DLEC1: variants seen among roughly 807,000 people sequenced by gnomAD.
DLEC1 encodes DLEC1 cilia and flagella associated protein.
Under a neutral mutation model 198.1 loss-of-function variants are expected in DLEC1, and 146 were observed. That is an observed-to-expected ratio of 0.74 (90% CI 0.64 to 0.85). The LOEUF (loss-of-function observed/expected upper bound fraction) is 0.85. Ranked by LOEUF, DLEC1 falls within the 40% of genes least tolerant of loss-of-function variation. The pLI is 0.00. For synonymous variants in DLEC1, 897 were observed against 866.8 expected (o/e 1.03, Z -0.61); for missense variants, 2,233 against 2,220.0 (o/e 1.01, Z -0.12).
intron 23 of DLEC1, 66 bp from the exon 24 acceptor site, chr3:38,111,611 A>ACC: frequency 6.4e-7 from 1 of 1,555,422 alleles, no homozygotes; most frequent in Non-Finnish European, 8.7e-7. Flanking sequence ...TTGCTCTAGA[A>ACC]CCTGGCTCAG....
intron 6 of DLEC1, among the ~76,000 whole-genome samples, chr3:38,072,444 G>A (rs1002549760): frequency 1.5e-4 from 23 of 151,916 alleles, no homozygotes; most frequent in African/African-American, 5.1e-4. Flanking sequence ...TACAGGACGC[G>A]ATCCTGGTCC....
intron 23 of DLEC1, 107 bp from the exon 24 acceptor site, chr3:38,111,570 T>C: frequency 8.1e-7 from 1 of 1,227,122 alleles, no homozygotes; most frequent in Non-Finnish European, 1.1e-6. Flanking sequence ...CAGGGCCACC[T>C]TCCTCTGCTG....
rs1697070784 is a variant in DLEC1 at position 38,067,159 on chromosome 3, A to G, written c.1173+3240A>G. 2.6e-5 allele frequency among the ~76,000 whole-genome samples: 4 copies of G among 152,368 alleles called. No individual in the cohort carries two copies. In the South Asian group the frequency reaches 8.3e-4, roughly 32 times the overall value. On this transcript the variant is annotated intron_variant, in intron 6 of 36. Coordinates refer to ENST00000308059, the MANE Select transcript of DLEC1 (RefSeq NM_007335.4). ...CCTCTGATCTTTGCCTACTTGTCTA[A>G]TTCTCATCCCTTTGATGTTCATAAC... is the stretch of plus-strand genomic sequence containing the variant.
In DLEC1 at chr3:38,112,339, A is replaced by G. The variant is rs1187976466; in HGVS notation, c.3644A>G (p.Tyr1215Cys). 3.7e-6 allele frequency: 6 copies of G among 1,613,996 alleles called. No individual in the cohort carries two copies. Among genetic ancestry groups the G allele is most frequent in the Non-Finnish European group, 5.1e-6 (6 of 1,180,010 alleles). ...GGCTGTGCCAACATGTGGGGCGAGT[A>G]CTGGGACAACCTCATCTGCACGGTA... ...ITGCANMWGE[Y>C]WDNLICTVGD... is the part of the protein sequence containing the mutation. Residue 1215 changes from tyrosine (Y) to cysteine (C), a missense_variant, in exon 25 of 37, where the codon TAC becomes TGC. By Grantham distance (194) the Tyr-to-Cys change is radical. Coordinates refer to ENST00000308059, the MANE Select transcript of DLEC1 (RefSeq NM_007335.4). This position sits in a 1 kb window ranked among gnomAD's most constrained non-coding sequence, Gnocchi z 4.8.
intron 22 of DLEC1, 184 bp downstream of exon 22, chr3:38,109,746 T>C (rs1699763368): frequency 9.7e-7 from 1 of 1,036,098 alleles, no homozygotes; most frequent in Non-Finnish European, 1.4e-6. Context: ...ACCCCATCCC[T>C]GCCCTCTGTG....
intron 18 of DLEC1, among the ~76,000 whole-genome samples, chr3:38,099,011 G>T (rs1699172927): frequency 6.6e-6 from 1 of 152,244 alleles, no homozygotes; most frequent in East Asian, 1.9e-4. Context: ...CTGGGGGCAG[G>T]GTGGCATCAG....
chr3:38,061,017 C>T (rs769990760), intron 3 of DLEC1, among the ~76,000 whole-genome samples: 1 of 152,064 alleles, frequency 6.6e-6, no homozygotes, highest in Non-Finnish European at 1.5e-5. Context: ...GTTGGAAACT[C>T]AGTATCTTAT....
At chr3:38,114,954 T>C (rs759265797) in intron 26 of DLEC1, 29 bp from the exon 27 acceptor site, 1 of 1,607,496 alleles carries the variant, frequency 6.2e-7, no homozygotes, top group Non-Finnish European at 8.5e-7. Flanking sequence ...TGGCTGTGGC[T>C]GTACTGAGTC....
Position 38,051,634 on chromosome 3 carries a change from C to A in DLEC1, c.562+5941C>A, listed in dbSNP as rs866732380. On this transcript the variant is annotated intron_variant, in intron 2 of 36. Transcript: ENST00000308059. ...TGGCAGGAGACAAGGACGGTGGAGTCGTTTTTCAGCAGAGCTAGAGAATAA... is the reference window on the plus strand; with the variant it reads ...TGGCAGGAGACAAGGACGGTGGAGTAGTTTTTCAGCAGAGCTAGAGAATAA... The A allele has an allele frequency of 1.8e-5, 4 of 222,390 alleles. No individual in the cohort carries two copies. The South Asian group carries it at 2.5e-4, about 14-fold the overall frequency. The allele number at this position is 222,390 out of a possible 1,614,324, so 13.8% of individuals were successfully genotyped here. A position where few individuals can be genotyped will look rare whatever the true frequency, so the allele number is the denominator to read the frequency against.
chr3:38,084,491 G>GGTAGTAGTAGTGGTA (rs1559430508), intron 7 of DLEC1, among the ~76,000 whole-genome samples: 7 of 108,844 alleles, frequency 6.4e-5, no homozygotes, highest in Admixed American at 2.0e-4. Context: ...TAGTAGTGGT[G>GGTAGTAGTAGTGGTA]GTAGTAGTAG....
rs963394851 is a variant in DLEC1 at position 38,120,709 on chromosome 3, A to G, written c.4866+100A>G. 33 of 1,493,034 alleles carry G rather than the reference A, an allele frequency of 2.2e-5. No homozygotes were observed. The Middle Eastern group carries it at 7.3e-4, about 33-fold the overall frequency. The allele number at this position is 1,493,034 out of a possible 1,614,324, so 92.5% of individuals were successfully genotyped here. The stretch of plus-strand genomic sequence containing the variant: ...GAAAGACCTAGCAGGGCCCTCAGAA[A>G]TAAGGAGCCCCTGCCCCTGTCCTGG... On this transcript the variant is annotated intron_variant, in intron 34 of 36. Transcript: ENST00000308059.
intron 6 of DLEC1, among the ~76,000 whole-genome samples, chr3:38,083,860 C>T (rs1220094912): frequency 2.0e-5 from 3 of 151,806 alleles, no homozygotes; most frequent in East Asian, 3.9e-4. Flanking sequence ...AAACTTCTGA[C>T]CTCAAGTGAT....
chr3:38,062,252 G>A lies in DLEC1; in HGVS notation c.757G>A (p.Glu253Lys). 6.2e-7 allele frequency: 1 copy of A among 1,614,216 alleles called. No individual in the cohort carries two copies. Among genetic ancestry groups the A allele is most frequent in the Non-Finnish European group, 8.5e-7 (1 of 1,180,036 alleles). The change falls in exon 4 of 37, where the codon GAA (glutamate) becomes AAA (lysine). Residue 253 changes from glutamate (E) to lysine (K), a missense_variant. Glu to Lys is a moderately conservative substitution (Grantham distance 56). Transcript: ENST00000308059. The stretch of plus-strand genomic sequence containing the variant: ...GAAGAAAGAGCTGAACAAGAAGCTT[G>A]AAGATTCATGCAGGAAGAAGCTTGC... The part of the protein sequence containing the change: ...VQKKELNKKL[E>K]DSCRKKLAEF...
intron 6 of DLEC1, among the ~76,000 whole-genome samples, chr3:38,077,274 G>A (rs540313580): frequency 2.6e-5 from 4 of 152,342 alleles, no homozygotes; most frequent in East Asian, 1.9e-4. Flanking sequence ...ATGGAGAATA[G>A]GAGTATGACT....
chr3:38,104,688 A>G lies in DLEC1; in HGVS notation c.2865-2896A>G, dbSNP rs116535733. On this transcript the variant is annotated intron_variant, in intron 19 of 36. Coordinates refer to ENST00000308059, the MANE Select transcript of DLEC1 (RefSeq NM_007335.4). ...AATCTTCAGCAAATTTTTCTTGGTC[A>G]GTCTAGTCTAGCTAAAGGTTTATCA... Among the ~76,000 whole-genome samples, 546 of 152,268 alleles carry G rather than the reference A, an allele frequency of 3.6e-3. 5 individuals are homozygous for G. The highest frequency in any genetic ancestry group is 0.013 in the African/African-American group (522 of 41,552).
rs770732478 is a variant in DLEC1 at position 38,062,723 on chromosome 3, A to T, written c.1016A>T (p.Tyr339Phe). ...CGTTTTTTTCCTCCTAACACTCGAT[A>T]TGGAGGCAAGTCTCTTGTTTTTCCT... ...NPRFFPPNTR[Y>F]GGKSLVFPPK... The change falls in exon 5 of 37, where the codon TAT (tyrosine) becomes TTT (phenylalanine). Residue 339 changes from tyrosine (Y) to phenylalanine (F), a missense_variant. By Grantham distance (22) the Tyr-to-Phe change is conservative. Coordinates refer to ENST00000308059, the MANE Select transcript of DLEC1 (RefSeq NM_007335.4). The T allele has an allele frequency of 2.5e-6, 4 of 1,614,130 alleles. No individual in the cohort carries two copies. The highest frequency in any genetic ancestry group is 3.4e-6 in the Non-Finnish European group (4 of 1,180,014).
chr3:38,043,552 C>T (rs1700750216), intron 1 of DLEC1, among the ~76,000 whole-genome samples: 1 of 152,220 alleles, frequency 6.6e-6, no homozygotes, highest in African/African-American at 2.4e-5. Flanking sequence ...CATATATCCT[C>T]ATTCATATGC....
chr3:38,092,678 C>A, intron 10 of DLEC1, 112 bp from the exon 11 acceptor site: 4 of 971,578 alleles, frequency 4.1e-6, no homozygotes, highest in Non-Finnish European at 4.9e-6. Context: ...GGGAGGGGAA[C>A]AGAGAGTGAA....
At chr3:38,084,607 A>AGT (rs1267675678) in intron 7 of DLEC1, among the ~76,000 whole-genome samples, 3 of 24,482 alleles carry the variant, frequency 1.2e-4, no homozygotes, top group Non-Finnish European at 2.6e-4. Context: ...TAGTAGCAGT[A>AGT]GCAGTAGCAG....
Sources: gnomAD v4.1 joint callset for allele counts (sites outside exome capture counted in the v4.1 genomes callset) on GRCh38, gnomAD v4.1.1 for gene constraint, Gnocchi (gnomAD v3.1) non-coding constraint, MANE v1.5 for transcripts, NCBI Gene and HGNC (gene_info 2026-07-23, HGNC 2026-07-21) for gene names.